NT5E: variants seen among roughly 807,000 people sequenced by gnomAD.
NT5E encodes the protein 5'-nucleotidase ecto.
In NT5E, 53 loss-of-function variants were observed where a neutral mutation model predicts 55.1. The ratio of observed to expected loss-of-function variants is 0.96; its 90% confidence interval spans 0.77 to 1.21. The LOEUF (loss-of-function observed/expected upper bound fraction) is 1.21. Among genes scored for constraint, NT5E ranks in the 50% most tolerant of loss-of-function variants. The pLI is 0.00. For synonymous variants in NT5E, 270 were observed against 278.4 expected (o/e 0.97, Z 0.30); for missense variants, 683 against 724.3 (o/e 0.94, Z 0.65).
rs201782026 is a variant in NT5E, at chr6:85,485,406, T to C, written c.923T>C (p.Ile308Thr). The change falls in exon 4 of 9, where the codon ATT becomes ACT. Residue 308 changes from isoleucine to threonine, a missense_variant. Transcript: ENST00000257770. Reference sequence around the variant, plus strand: ...GTCATCTCTTCCCATGGAAATCCCATTCTTCTAAACAGCAGCATTCCTGAA... The same window carrying C: ...GTCATCTCTTCCCATGGAAATCCCACTCTTCTAAACAGCAGCATTCCTGAA... The part of the protein sequence containing the change: ...GNVISSHGNP[I>T]LLNSSIPEDP... 2.8e-5 allele frequency: 46 copies of C among 1,614,104 alleles called. No homozygotes were observed. The highest frequency in any genetic ancestry group is 3.7e-5 in the Non-Finnish European group (44 of 1,180,042).
At chr6:85,468,404 C>G (rs1453276652) in intron 2 of NT5E, among the ~76,000 whole-genome samples, 1 of 152,164 alleles carries the variant, frequency 6.6e-6, no homozygotes, top group Non-Finnish European at 1.5e-5. Flanking sequence ...GAAGAACCTC[C>G]TTGGTCCCCT....
In NT5E at chr6:85,471,313, C is replaced by T. The variant is rs749621235; in HGVS notation, c.639C>T (p.Asn213=). The change falls in exon 3 of 9, where the codon AAC becomes AAT. Residue 213 remains asparagine (N), a synonymous_variant. Coordinates refer to ENST00000257770, the MANE Select transcript of NT5E (RefSeq NM_002526.4). ...ATAAGTTAAAAACTCTAAATGTGAA[C>T]AAAATTATTGCACTGGGACATTCGG... ...EVDKLKTLNV[N]KIIALGHSGF... 13 of 1,612,660 alleles carry T rather than the reference C, an allele frequency of 8.1e-6. No individual in the cohort carries two copies. The South Asian group carries it at 1.4e-4, about 18-fold the overall frequency.
At chr6:85,470,014 T>G (rs1399967666) in intron 2 of NT5E, among the ~76,000 whole-genome samples, 1 of 152,240 alleles carries the variant, frequency 6.6e-6, no homozygotes, top group Non-Finnish European at 1.5e-5. Flanking sequence ...TCCTGCATTT[T>G]GAAAGCTTTT....
intron 1 of NT5E, among the ~76,000 whole-genome samples, chr6:85,454,959 G>A (rs370096174): frequency 6.6e-6 from 1 of 151,906 alleles, no homozygotes; most frequent in East Asian, 1.9e-4. Flanking sequence ...AGGGACAGGA[G>A]GATGGGGCAA....
At chr6:85,482,414 T>G (rs1769568526) in intron 3 of NT5E, among the ~76,000 whole-genome samples, 1 of 147,996 alleles carries the variant, frequency 6.8e-6, no homozygotes. Context: ...GGAGGGAAGG[T>G]GGAAGAAAGA....
chr6:85,469,967 CTT>C (rs937085387), intron 2 of NT5E, among the ~76,000 whole-genome samples: 2 of 152,216 alleles, frequency 1.3e-5, no homozygotes, highest in African/African-American at 4.8e-5. Flanking sequence ...TCTTGTTACT[CTT>C]TGGATTAGTA....
At position 85,450,557 on chromosome 6, in the gene NT5E, G is replaced by C; in HGVS notation, c.339+79G>C. 1 of 1,367,694 alleles carries C rather than the reference G, an allele frequency of 7.3e-7. No individual in the cohort carries two copies. Among genetic ancestry groups the C allele is most frequent in the Non-Finnish European group, 1.0e-6 (1 of 984,168 alleles). 84.7% of individuals were successfully genotyped at this position (1,367,694 alleles called of 1,614,324 possible). A position where few individuals can be genotyped will look rare whatever the true frequency, so the allele number is the denominator to read the frequency against. Reference sequence around the variant, plus strand: ...GGCTGGAAAAGCAGCGGATGGCAGAGTGTGGCAAGCCTAGGTCCAGGGCGC... The same window carrying C: ...GGCTGGAAAAGCAGCGGATGGCAGACTGTGGCAAGCCTAGGTCCAGGGCGC... On this transcript the variant is annotated intron_variant, in intron 1 of 8. Transcript: ENST00000257770. The surrounding 1 kb of genome is among the most constrained non-coding windows in gnomAD (Gnocchi z 4.0).
chr6:85,486,736 C>A (rs1437304211), intron 4 of NT5E, among the ~76,000 whole-genome samples: 1 of 152,212 alleles, frequency 6.6e-6, no homozygotes, highest in Admixed American at 6.5e-5. Flanking sequence ...AGGAGCATTT[C>A]ATCTTTTATT....
intron 1 of NT5E, among the ~76,000 whole-genome samples, chr6:85,464,885 T>G (rs1426373815): frequency 1.3e-5 from 2 of 152,062 alleles, no homozygotes; most frequent in African/African-American, 4.8e-5. Flanking sequence ...GCTTCTGGCT[T>G]TATTGACTGG....
intron 1 of NT5E, among the ~76,000 whole-genome samples, chr6:85,461,476 C>CA (rs1769097563): frequency 6.6e-6 from 1 of 152,214 alleles, no homozygotes; most frequent in Admixed American, 6.5e-5. Context: ...AAAAATGCCT[C>CA]ACAGGCCAAG....
intron 1 of NT5E, among the ~76,000 whole-genome samples, chr6:85,463,122 G>C (rs1383669128): frequency 6.6e-6 from 1 of 152,104 alleles, no homozygotes; most frequent in East Asian, 1.9e-4. Context: ...AAAGAAAGTG[G>C]TGGGGGTGAG....
chr6:85,481,189 C>A (rs1769543569), intron 3 of NT5E, among the ~76,000 whole-genome samples: 1 of 152,166 alleles, frequency 6.6e-6, no homozygotes, highest in African/African-American at 2.4e-5. Context: ...ACACAGCTGC[C>A]CCTGCCCTCA....
chr6:85,454,031 C>G (rs778474315), intron 1 of NT5E, among the ~76,000 whole-genome samples: 1 of 152,096 alleles, frequency 6.6e-6, no homozygotes, highest in Non-Finnish European at 1.5e-5. Flanking sequence ...TCCATGTTGC[C>G]CTAGATGCCC....
At chr6:85,478,255 C>T (rs952345837) in intron 3 of NT5E, among the ~76,000 whole-genome samples, 4 of 152,134 alleles carry the variant, frequency 2.6e-5, no homozygotes, top group African/African-American at 9.7e-5. Context: ...AACTGCTTTC[C>T]AAGATGAAGT....
intron 5 of NT5E, among the ~76,000 whole-genome samples, chr6:85,489,162 C>T (rs1458848853): frequency 6.6e-6 from 1 of 152,104 alleles, no homozygotes; most frequent in Non-Finnish European, 1.5e-5. Flanking sequence ...CCTGGAGAAG[C>T]CTGTGCAGGA....
intron 1 of NT5E, among the ~76,000 whole-genome samples, chr6:85,462,265 C>T (rs371901718): frequency 1.3e-5 from 2 of 152,258 alleles, no homozygotes; most frequent in South Asian, 2.1e-4. Context: ...CAAGCACCCC[C>T]GGACTGCCTC....
At chr6:85,484,350 G>A (rs973574135) in intron 3 of NT5E, among the ~76,000 whole-genome samples, 5 of 152,194 alleles carry the variant, frequency 3.3e-5, no homozygotes, top group African/African-American at 1.2e-4. Context: ...GAACTTAAAT[G>A]TGCTAAGTGA....
chr6:85,479,685 A>G (rs1424838850), intron 3 of NT5E, among the ~76,000 whole-genome samples: 1 of 152,190 alleles, frequency 6.6e-6, no homozygotes, highest in Non-Finnish European at 1.5e-5. Flanking sequence ...AAATAAAGTC[A>G]TTACTTCTGA....
intron 3 of NT5E, among the ~76,000 whole-genome samples, chr6:85,481,979 T>C (rs1257694426): frequency 1.3e-5 from 2 of 152,170 alleles, no homozygotes; most frequent in Non-Finnish European, 2.9e-5. Context: ...TGAGGAAGTG[T>C]AGAGAAGTAG....
Sources: gnomAD v4.1 joint callset for allele counts (sites outside exome capture counted in the v4.1 genomes callset) on GRCh38, gnomAD v4.1.1 for gene constraint, Gnocchi (gnomAD v3.1) non-coding constraint, MANE v1.5 for transcripts, NCBI Gene and HGNC (gene_info 2026-07-23, HGNC 2026-07-21) for gene names.